The following ZNF385D variants were observed in gnomAD, a reference collection of about 807,000 sequenced individuals.
The protein encoded by ZNF385D is zinc finger protein 385D.
ZNF385D carries 15 observed loss-of-function variants against 35.8 expected under a neutral mutation model. That is an observed-to-expected ratio of 0.42 (90% CI 0.28 to 0.64). ZNF385D has a LOEUF of 0.64. Ranked by LOEUF, ZNF385D falls within the 30% of genes least tolerant of loss-of-function variation. The pLI, the probability that ZNF385D is intolerant of heterozygous loss-of-function variation, is 0.23. For synonymous variants in ZNF385D, 212 were observed against 186.8 expected (o/e 1.13, Z -1.10); for missense variants, 474 against 494.6 (o/e 0.96, Z 0.39).
chr3:21,502,992 G>C (rs1055607405), intron 4 of ZNF385D, among the ~76,000 whole-genome samples: 1 of 152,146 alleles, frequency 6.6e-6, no homozygotes, highest in Admixed American at 6.6e-5. Context: ...AAAGACCCCA[G>C]GAGTTAGCAC....
At chr3:22,142,115 A>G (rs1229252621) in intron 3 of ZNF385D, among the ~76,000 whole-genome samples, 2 of 152,220 alleles carry the variant, frequency 1.3e-5, no homozygotes, top group African/African-American at 4.8e-5. Flanking sequence ...GAACCTTGGA[A>G]AACACCCACA....
intron 3 of ZNF385D, among the ~76,000 whole-genome samples, chr3:22,117,629 G>A (rs1702880256): frequency 6.6e-6 from 1 of 151,098 alleles, no homozygotes; most frequent in Non-Finnish European, 1.5e-5. Context: ...GACTTAAATT[G>A]AATATTTTAG....
intron 3 of ZNF385D, among the ~76,000 whole-genome samples, chr3:22,146,865 TCTC>T (rs1489055590): frequency 6.6e-6 from 1 of 152,146 alleles, no homozygotes; most frequent in African/African-American, 2.4e-5. Context: ...GTCTAAAATT[TCTC>T]CTAAGTTCTG....
intron 2 of ZNF385D, among the ~76,000 whole-genome samples, chr3:22,197,390 G>T (rs1313194152): frequency 6.6e-6 from 1 of 151,944 alleles, no homozygotes. Context: ...TCCTACCCAT[G>T]ATTTGTTCCA....
intron 3 of ZNF385D, among the ~76,000 whole-genome samples, chr3:22,138,410 C>G (rs1051157892): frequency 2.6e-5 from 4 of 152,172 alleles, no homozygotes; most frequent in African/African-American, 9.7e-5. Context: ...TACCTGACTT[C>G]AAACTATACT....
chr3:21,457,229 C>G (rs1390137423), intron 4 of ZNF385D, among the ~76,000 whole-genome samples: 1 of 152,098 alleles, frequency 6.6e-6, no homozygotes, highest in Non-Finnish European at 1.5e-5. Context: ...AAACCCAGTA[C>G]TAGCGTGTGA....
At chr3:21,700,868 C>T (rs935393212) in intron 1 of ZNF385D, among the ~76,000 whole-genome samples, 2 of 152,114 alleles carry the variant, frequency 1.3e-5, no homozygotes, top group African/African-American at 4.8e-5. Context: ...TCCTGTAATG[C>T]TTTATGTTGA....
chr3:21,768,359 G>A (rs920844987), intron 3 of ZNF385D, among the ~76,000 whole-genome samples: 1 of 151,844 alleles, frequency 6.6e-6, no homozygotes, highest in Non-Finnish European at 1.5e-5. Context: ...TTGTTACTGA[G>A]GATCCTGGGA....
At chr3:21,904,545 C>T (rs945682920) in intron 3 of ZNF385D, among the ~76,000 whole-genome samples, 14 of 152,060 alleles carry the variant, frequency 9.2e-5, no homozygotes, top group African/African-American at 2.4e-4. Context: ...GGCAAAGTCA[C>T]GTCATCTTTC....
intron 3 of ZNF385D, among the ~76,000 whole-genome samples, chr3:21,541,972 C>G (rs1045641288): frequency 1.3e-5 from 2 of 152,124 alleles, no homozygotes; most frequent in Non-Finnish European, 2.9e-5. Context: ...TATTCCATAG[C>G]TAATAAAGAT....
intron 3 of ZNF385D, among the ~76,000 whole-genome samples, chr3:21,883,133 A>G (rs1197160708): frequency 6.6e-6 from 1 of 151,956 alleles, no homozygotes; most frequent in Admixed American, 6.6e-5. Context: ...TTGTATGCAG[A>G]TAAGACTATT....
At chr3:21,444,585 C>T (rs1400280059) in intron 4 of ZNF385D, among the ~76,000 whole-genome samples, 1 of 151,898 alleles carries the variant, frequency 6.6e-6, no homozygotes, top group Admixed American at 6.6e-5. Flanking sequence ...CGGGGTTTCA[C>T]CACGTTGGCC....
intron 3 of ZNF385D, among the ~76,000 whole-genome samples, chr3:21,918,420 AAGT>A (rs1469447575): frequency 1.3e-5 from 2 of 151,012 alleles, no homozygotes; most frequent in Admixed American, 1.3e-4. Context: ...GAGCAAGTAA[AAGT>A]AGGGACTTTT....
upstream of ZNF385D, among the ~76,000 whole-genome samples, chr3:21,755,757 T>C (rs553316940): frequency 2.6e-5 from 4 of 151,980 alleles, no homozygotes; most frequent in East Asian, 7.7e-4. Context: ...ACAAATTCAT[T>C]ATTTATCTAT....
At chr3:21,988,456 G>A (rs1202901070) in intron 3 of ZNF385D, among the ~76,000 whole-genome samples, 6 of 136,450 alleles carry the variant, frequency 4.4e-5, no homozygotes, top group East Asian at 2.2e-4. Flanking sequence ...CCCCTGCTGG[G>A]GGGTGCCTCC....
chr3:21,818,946 T>A (rs1310395646), intron 3 of ZNF385D, among the ~76,000 whole-genome samples: 1 of 151,970 alleles, frequency 6.6e-6, no homozygotes, highest in African/African-American at 2.4e-5. Flanking sequence ...AATAATAACA[T>A]AGCTATTTAA....
At chr3:21,721,960 C>T (rs189097614) in intron 1 of ZNF385D, among the ~76,000 whole-genome samples, 20 of 152,106 alleles carry the variant, frequency 1.3e-4, no homozygotes, top group African/African-American at 3.4e-4. Flanking sequence ...ATTAACTGGG[C>T]GTGGTGGCGT....
chr3:21,792,029 G>A (rs544935788), intron 3 of ZNF385D, among the ~76,000 whole-genome samples: 28 of 152,200 alleles, frequency 1.8e-4, no homozygotes, highest in Admixed American at 9.2e-4. Flanking sequence ...CACTGTGCCC[G>A]GCCCTAATCA....
chr3:21,439,850 G>C (rs886529670), intron 4 of ZNF385D, among the ~76,000 whole-genome samples: 41 of 152,016 alleles, frequency 2.7e-4, no homozygotes, highest in African/African-American at 8.9e-4. Flanking sequence ...CATGAGACAG[G>C]CTTAGGGGAA....
Sources: allele counts gnomAD v4.1 joint callset (sites outside exome capture counted in the v4.1 genomes callset), GRCh38; gene constraint gnomAD v4.1.1; transcripts MANE v1.5; gene names NCBI Gene and HGNC (gene_info 2026-07-23, HGNC 2026-07-21).